Variants in AHI1 observed in about 807,000 individuals in gnomAD.
AHI1 encodes Abelson helper integration site 1, also known as jouberin.
In AHI1, 123 loss-of-function variants were observed where a neutral mutation model predicts 149.3. That is an observed-to-expected ratio of 0.82 (90% CI 0.71 to 0.96). The LOEUF (loss-of-function observed/expected upper bound fraction) is 0.96, where lower values mean the gene tolerates loss of function less well. Ranked by LOEUF, AHI1 falls within the 40% of genes least tolerant of loss-of-function variation. The pLI is 0.00. For missense variants in AHI1, 1,439 were observed against 1,422.7 expected (o/e 1.01, Z -0.18); for synonymous variants, 475 against 459.8 (o/e 1.03, Z -0.42).
chr6:135,311,467 T>C (rs899603301), intron 26 of AHI1, among the ~76,000 whole-genome samples: 5 of 152,272 alleles, frequency 3.3e-5, no homozygotes, highest in Non-Finnish European at 7.4e-5. Context: ...TGAGCATAAA[T>C]ATTAGCAGGA....
chr6:135,462,477 T>A (rs1343866309), intron 8 of AHI1, among the ~76,000 whole-genome samples: 1 of 151,034 alleles, frequency 6.6e-6, no homozygotes, highest in Non-Finnish European at 1.5e-5. Flanking sequence ...GCTGACCATT[T>A]ATAGCTTTCA....
chr6:135,318,724 A>G (rs984718007), intron 25 of AHI1, 108 bp from the exon 26 acceptor site: 8 of 636,312 alleles, frequency 1.3e-5, no homozygotes, highest in South Asian at 3.0e-5. Flanking sequence ...TCGATATTCA[A>G]TTCCTTGGTG....
intron 4 of AHI1, 73 bp downstream of exon 4, chr6:135,492,155 C>T: frequency 8.1e-7 from 1 of 1,230,984 alleles, no homozygotes; most frequent in South Asian, 1.6e-5. Flanking sequence ...TCAAGAATCC[C>T]TTAAAATAAA....
intron 5 of AHI1, among the ~76,000 whole-genome samples, chr6:135,487,533 CA>C (rs916534613): frequency 3.3e-5 from 5 of 152,018 alleles, no homozygotes; most frequent in Admixed American, 6.5e-5. Context: ...AATTTCCCAT[CA>C]AAAAAATTTT....
intron 24 of AHI1, among the ~76,000 whole-genome samples, chr6:135,336,112 T>TAAAAAA (rs57344793): frequency 1.3e-5 from 1 of 76,492 alleles, no homozygotes; most frequent in Non-Finnish European, 2.6e-5. Flanking sequence ...AAACTCCGTC[T>TAAAAAA]AAAAAAAAAA....
intron 15 of AHI1, among the ~76,000 whole-genome samples, chr6:135,437,070 T>G (rs1785520929): frequency 6.6e-6 from 1 of 152,144 alleles, no homozygotes; most frequent in African/African-American, 2.4e-5. Context: ...GGACAGAGAT[T>G]AAAAATGGAC....
At chr6:135,425,053 TG>T (rs1038939010) in intron 20 of AHI1, among the ~76,000 whole-genome samples, 1 of 151,988 alleles carries the variant, frequency 6.6e-6, no homozygotes. Context: ...CAATCTTAGA[TG>T]GCTTAAGATT....
intron 28 of AHI1, chr6:135,286,684 C>T (rs940356617): frequency 2.0e-5 from 3 of 152,192 alleles, no homozygotes; most frequent in African/African-American, 7.2e-5. Context: ...TCATATAAAA[C>T]ACATTTACAC....
intron 23 of AHI1, among the ~76,000 whole-genome samples, chr6:135,385,738 G>A (rs911562090): frequency 3.9e-5 from 6 of 152,142 alleles, no homozygotes; most frequent in Non-Finnish European, 7.4e-5. Flanking sequence ...TGTACAATAC[G>A]TAAGCTAAAC....
At chr6:135,303,554 C>CT (rs545356822) in intron 26 of AHI1, among the ~76,000 whole-genome samples, 67 of 137,308 alleles carry the variant, frequency 4.9e-4, no homozygotes, top group South Asian at 1.4e-3. Context: ...CTCTTGGGGT[C>CT]TTTTTTTTTT....
intron 5 of AHI1, among the ~76,000 whole-genome samples, chr6:135,471,136 C>T (rs767647717): frequency 6.6e-6 from 1 of 151,896 alleles, no homozygotes; most frequent in Non-Finnish European, 1.5e-5. Flanking sequence ...AAGAGCTAAT[C>T]AAGAATTAGA....
intron 23 of AHI1, among the ~76,000 whole-genome samples, chr6:135,393,889 G>A (rs1029257459): frequency 3.3e-5 from 5 of 151,972 alleles, no homozygotes; most frequent in African/African-American, 7.2e-5. Flanking sequence ...AAAAGGCACA[G>A]CCAGGGTTGA....
At chr6:135,361,473 T>C (rs1793853235) in intron 23 of AHI1, among the ~76,000 whole-genome samples, 1 of 152,198 alleles carries the variant, frequency 6.6e-6, no homozygotes, top group Admixed American at 6.5e-5. Context: ...TTGCTGGGTA[T>C]TGAAATCTAG....
chr6:135,376,450 G>A (rs2128462296), intron 23 of AHI1, among the ~76,000 whole-genome samples: 1 of 152,302 alleles, frequency 6.6e-6, no homozygotes, highest in South Asian at 2.1e-4. Flanking sequence ...AGTGGGACAA[G>A]CTGACATGAT....
At chr6:135,395,937 G>A (rs1562662790) in intron 22 of AHI1, among the ~76,000 whole-genome samples, 1 of 151,660 alleles carries the variant, frequency 6.6e-6, no homozygotes, top group Non-Finnish European at 1.5e-5. Context: ...TTGATGTTCT[G>A]TATAAGACAA....
intron 26 of AHI1, among the ~76,000 whole-genome samples, chr6:135,310,627 T>C (rs963744390): frequency 6.6e-6 from 1 of 152,262 alleles, no homozygotes; most frequent in African/African-American, 2.4e-5. Flanking sequence ...TCTGCTCATG[T>C]GAAGATTAGC....
intron 28 of AHI1, among the ~76,000 whole-genome samples, chr6:135,288,662 A>G (rs1190744957): frequency 1.3e-5 from 2 of 152,024 alleles, no homozygotes; most frequent in African/African-American, 4.8e-5. Flanking sequence ...ATGAATAACC[A>G]TATGATATTC....
At chr6:135,493,852 G>A (rs1165783262) in intron 3 of AHI1, among the ~76,000 whole-genome samples, 1 of 152,120 alleles carries the variant, frequency 6.6e-6, no homozygotes, top group Admixed American at 6.5e-5. Context: ...TGTCCTGTCT[G>A]GCCAACATGG....
At chr6:135,446,455 A>G (rs78096893) in intron 13 of AHI1, among the ~76,000 whole-genome samples, 1 of 152,214 alleles carries the variant, frequency 6.6e-6, no homozygotes, top group South Asian at 2.1e-4. Flanking sequence ...TGTCCTCTCA[A>G]AAACTGTATG....
Sources: gnomAD v4.1 joint callset for allele counts (sites outside exome capture counted in the v4.1 genomes callset) on GRCh38, gnomAD v4.1.1 for gene constraint, MANE v1.5 for transcripts, NCBI Gene and HGNC (gene_info 2026-07-23, HGNC 2026-07-21) for gene names.